The following HS6ST3 variants were observed in gnomAD, a reference collection of about 807,000 sequenced individuals.
HS6ST3 encodes the protein heparan sulfate 6-O-sulfotransferase 3.
Under a neutral mutation model 36.7 loss-of-function variants are expected in HS6ST3, and 12 were observed. That is an observed-to-expected ratio of 0.33 (90% confidence interval 0.21 to 0.53). The LOEUF (loss-of-function observed/expected upper bound fraction) is 0.53, where lower values mean the gene tolerates loss of function less well. Ranked by LOEUF, HS6ST3 falls within the 20% of genes least tolerant of loss-of-function variation. The probability of loss-of-function intolerance (pLI) is 0.95; values close to 1 mark genes in which losing one functional copy is unlikely to be tolerated. For synonymous variants in HS6ST3, 240 were observed against 257.5 expected (o/e 0.93, Z 0.65); for missense variants, 584 against 640.9 (o/e 0.91, Z 0.96).
chr13:96,649,514 A>G (rs2056600291), intron 1 of HS6ST3, among the ~76,000 whole-genome samples: 1 of 152,060 alleles, frequency 6.6e-6, no homozygotes, highest in Non-Finnish European at 1.5e-5. Context: ...GAAAGAAACA[A>G]AGAAAACCTT....
intron 1 of HS6ST3, among the ~76,000 whole-genome samples, chr13:96,292,531 G>T (rs2054835197): frequency 6.6e-6 from 1 of 151,886 alleles, no homozygotes; most frequent in Non-Finnish European, 1.5e-5. Flanking sequence ...GCAAGGAAAT[G>T]GATTAATTTT....
At chr13:96,706,720 C>T (rs536069610) in intron 1 of HS6ST3, among the ~76,000 whole-genome samples, 103 of 151,962 alleles carry the variant, frequency 6.8e-4, no homozygotes, top group Non-Finnish European at 1.1e-3. Flanking sequence ...GCCTCTTCCA[C>T]GTAGACATTT....
intron 1 of HS6ST3, among the ~76,000 whole-genome samples, chr13:96,603,830 A>G (rs1008299981): frequency 6.6e-6 from 1 of 152,200 alleles, no homozygotes; most frequent in African/African-American, 2.4e-5. Context: ...AGTTTATAAC[A>G]AAGCTGATCA....
At chr13:96,460,450 C>G (rs1018900145) in intron 1 of HS6ST3, among the ~76,000 whole-genome samples, 5 of 152,112 alleles carry the variant, frequency 3.3e-5, no homozygotes, top group African/African-American at 1.2e-4. Flanking sequence ...CGTATATTTT[C>G]TGTAAGATTC....
intron 1 of HS6ST3, among the ~76,000 whole-genome samples, chr13:96,433,285 C>A (rs757131893): frequency 2.0e-5 from 3 of 151,868 alleles, no homozygotes; most frequent in Non-Finnish European, 2.9e-5. Flanking sequence ...GAGCCCTAAT[C>A]CAAAAAAGAC....
intron 1 of HS6ST3, among the ~76,000 whole-genome samples, chr13:96,257,754 C>T (rs541902497): frequency 3.3e-5 from 5 of 152,102 alleles, no homozygotes; most frequent in South Asian, 2.1e-4. Context: ...CAGACATAAA[C>T]ATGGGAATAA....
At chr13:96,467,512 T>C (rs1168965144) in intron 1 of HS6ST3, among the ~76,000 whole-genome samples, 1 of 152,178 alleles carries the variant, frequency 6.6e-6, no homozygotes, top group Admixed American at 6.5e-5. Flanking sequence ...GGTAGACAGG[T>C]TTAATGTGTT....
At chr13:96,381,721 T>C (rs1385678063) in intron 1 of HS6ST3, among the ~76,000 whole-genome samples, 1 of 152,184 alleles carries the variant, frequency 6.6e-6, no homozygotes, top group Non-Finnish European at 1.5e-5. Flanking sequence ...AAGGCCTGGC[T>C]AGGATCGCCT....
chr13:96,465,442 T>C (rs1458035696), intron 1 of HS6ST3, among the ~76,000 whole-genome samples: 1 of 152,162 alleles, frequency 6.6e-6, no homozygotes, highest in African/African-American at 2.4e-5. Context: ...TTCCCACGGA[T>C]AAATCATGCA....
At chr13:96,304,640 G>T (rs192815015) in intron 1 of HS6ST3, among the ~76,000 whole-genome samples, 1 of 146,406 alleles carries the variant, frequency 6.8e-6, no homozygotes, top group Non-Finnish European at 1.5e-5. Flanking sequence ...AATGTGGAAG[G>T]TTTCAAAACT....
intron 1 of HS6ST3, among the ~76,000 whole-genome samples, chr13:96,528,840 A>G (rs1395700556): frequency 2.6e-5 from 4 of 152,146 alleles, no homozygotes; most frequent in Non-Finnish European, 5.9e-5. Flanking sequence ...ACATATTAAA[A>G]TGGATTAAAT....
intron 1 of HS6ST3, among the ~76,000 whole-genome samples, chr13:96,443,573 T>G (rs1410519726): frequency 6.6e-6 from 1 of 151,832 alleles, no homozygotes; most frequent in Non-Finnish European, 1.5e-5. Flanking sequence ...TAGCCTAATT[T>G]TGATCACTAT....
At chr13:96,441,141 C>T (rs1249049947) in intron 1 of HS6ST3, among the ~76,000 whole-genome samples, 2 of 152,162 alleles carry the variant, frequency 1.3e-5, no homozygotes, top group African/African-American at 2.4e-5. Flanking sequence ...CTTCACCAAG[C>T]ACCTGACCAT....
In HS6ST3 at chr13:96,622,282, C is replaced by A. The variant is rs150155172; in HGVS notation, c.708-210208C>A. ...AACAAAGTATCTTGAGTAAAAAAAGCAGTAGTCACTGATAAAGGGGATTTT... is the reference window on the plus strand; with the variant it reads ...AACAAAGTATCTTGAGTAAAAAAAGAAGTAGTCACTGATAAAGGGGATTTT... On this transcript the variant is annotated intron_variant, in intron 1 of 1. Coordinates refer to ENST00000376705, the MANE Select transcript of HS6ST3 (RefSeq NM_153456.4). Among the ~76,000 whole-genome samples the A allele has an allele frequency of 8.6e-5, 13 of 151,838 alleles. No individual in the cohort carries two copies. The East Asian group carries it at 2.5e-3, about 29-fold the overall frequency.
intron 1 of HS6ST3, among the ~76,000 whole-genome samples, chr13:96,695,308 T>C (rs575766527): frequency 1.5e-4 from 23 of 152,302 alleles, no homozygotes; most frequent in Admixed American, 1.2e-3. Flanking sequence ...TTTGAAGGTG[T>C]TGCAGTTGCC....
intron 1 of HS6ST3, among the ~76,000 whole-genome samples, chr13:96,831,980 A>AAAAAAAC (rs1339637754): frequency 2.1e-5 from 3 of 142,002 alleles, no homozygotes; most frequent in African/African-American, 5.2e-5. Context: ...AAAAAAAAAA[A>AAAAAAAC]CAGAGATTAA....
intron 1 of HS6ST3, among the ~76,000 whole-genome samples, chr13:96,344,392 A>G (rs1566332211): frequency 6.6e-6 from 1 of 152,230 alleles, no homozygotes; most frequent in East Asian, 1.9e-4. Context: ...AGTTGTCTTC[A>G]TTTCCAAGAT....
intron 1 of HS6ST3, among the ~76,000 whole-genome samples, chr13:96,257,722 G>A (rs913622457): frequency 4.6e-5 from 7 of 152,128 alleles, no homozygotes; most frequent in African/African-American, 1.4e-4. Context: ...AGGTACTGAT[G>A]ACATTAGGTT....
chr13:96,598,437 T>C (rs551638858), intron 1 of HS6ST3, among the ~76,000 whole-genome samples: 2 of 152,238 alleles, frequency 1.3e-5, no homozygotes, highest in Admixed American at 6.5e-5. Context: ...TTTTTGTAGC[T>C]ATTGTAAAAG....
Sources: allele counts gnomAD v4.1 joint callset (sites outside exome capture counted in the v4.1 genomes callset), GRCh38; gene constraint gnomAD v4.1.1; transcripts MANE v1.5; gene names NCBI Gene and HGNC (gene_info 2026-07-23, HGNC 2026-07-21).